The following NAALADL2 variants were observed in gnomAD, a reference collection of about 807,000 sequenced individuals.
The protein encoded by NAALADL2 is N-acetylated alpha-linked acidic dipeptidase like 2.
NAALADL2 carries 76 observed loss-of-function variants against 87.2 expected under a neutral mutation model. The observed-to-expected ratio is 0.87, with a 90% confidence interval of 0.72 to 1.05. The LOEUF is 1.05. Ranked by LOEUF, NAALADL2 falls within the 50% of genes least tolerant of loss-of-function variation. The probability of loss-of-function intolerance (pLI) is 0.00; values close to 1 mark genes in which losing one functional copy is unlikely to be tolerated. For synonymous variants in NAALADL2, 354 were observed against 331.0 expected, an observed-to-expected ratio of 1.07 and a Z score of -0.75; for missense variants, 1,089 against 945.8, an observed-to-expected ratio of 1.15 and a Z score of -1.99.
chr3:174,933,436 A>G (rs974750185), intron 1 of NAALADL2, among the ~76,000 whole-genome samples: 1 of 152,184 alleles, frequency 6.6e-6, no homozygotes, highest in African/African-American at 2.4e-5. Flanking sequence ...ACATTCAGTT[A>G]TTAAACTGTA....
chr3:175,511,996 A>G (rs576091524), intron 9 of NAALADL2, among the ~76,000 whole-genome samples: 2 of 152,242 alleles, frequency 1.3e-5, no homozygotes, highest in South Asian at 4.1e-4. Context: ...AATTCCAGCA[A>G]TTTGGGAGGC....
chr3:175,477,045 G>A (rs1018378252), intron 9 of NAALADL2, among the ~76,000 whole-genome samples: 1 of 152,090 alleles, frequency 6.6e-6, no homozygotes, highest in South Asian at 2.1e-4. Context: ...TATTTGAAAG[G>A]ATTTCCTCAG....
At chr3:174,646,572 C>A (rs1029088781) in intron 2 of NAALADL2, among the ~76,000 whole-genome samples, 1 of 150,158 alleles carries the variant, frequency 6.7e-6, no homozygotes, top group African/African-American at 2.5e-5. Flanking sequence ...TACAAAAATT[C>A]ATTTAAAATT....
At chr3:175,449,482 G>A (rs560455989) in intron 6 of NAALADL2, among the ~76,000 whole-genome samples, 37 of 141,318 alleles carry the variant, frequency 2.6e-4, no homozygotes, top group Middle Eastern at 3.7e-3. Context: ...TGCAAGCTCC[G>A]CCTCCCGGGT....
Position 174,956,277 on chromosome 3 carries a change from AT to A in NAALADL2, c.43+96828del, listed in dbSNP as rs530779634. ...TGTCATGGTAATCTTGTAGTCTCTT[AT>A]GGACTCACTAAAGTAAGCATAATAG... On this transcript the variant is annotated intron_variant, in intron 1 of 13. Transcript: ENST00000454872. 2.8e-4 allele frequency among the ~76,000 whole-genome samples: 43 copies of A among 152,172 alleles called. No individual in the cohort carries two copies. The South Asian group carries it at 7.9e-3, about 28-fold the overall frequency.
At chr3:174,529,397 T>C (rs1721043434) in intron 1 of NAALADL2, among the ~76,000 whole-genome samples, 3 of 152,202 alleles carry the variant, frequency 2.0e-5, no homozygotes, top group Admixed American at 1.3e-4. Context: ...ATGGACTTGC[T>C]GAGTGTCTGC....
At chr3:174,765,814 C>G (rs760139128) in intron 3 of NAALADL2, among the ~76,000 whole-genome samples, 2 of 152,188 alleles carry the variant, frequency 1.3e-5, no homozygotes, top group African/African-American at 2.4e-5. Context: ...CATACAACAG[C>G]TGCCTGTCAA....
At chr3:174,953,751 G>A (rs1740760272) in intron 1 of NAALADL2, among the ~76,000 whole-genome samples, 1 of 151,864 alleles carries the variant, frequency 6.6e-6, no homozygotes, top group South Asian at 2.1e-4. Context: ...CCCGGAGCAG[G>A]TTACCACATG....
Position 175,129,077 on chromosome 3 carries a change from TA to T in NAALADL2, c.545+31787del, listed in dbSNP as rs772999584. 5.9e-5 allele frequency among the ~76,000 whole-genome samples: 9 copies of T among 151,412 alleles called. No individual in the cohort carries two copies. In the East Asian group the frequency reaches 1.4e-3, roughly 23 times the overall value. ...TCTCAGCCCCTGGAGTAGCTGGGAC[TA>T]GAGGTGTGCACCCCTATGCCTGGCT... On this transcript the variant is annotated intron_variant, in intron 2 of 13. Transcript: ENST00000454872.
chr3:174,555,412 G>A (rs1712658134), intron 2 of NAALADL2, among the ~76,000 whole-genome samples: 1 of 152,092 alleles, frequency 6.6e-6, no homozygotes, highest in African/African-American at 2.4e-5. Flanking sequence ...CGATTCTCCT[G>A]CCTCAGTCTC....
rs73037217 is a variant in NAALADL2 at position 175,077,886 on chromosome 3, C to A, written c.44-18904C>A. ...AAGTGAAAGCAAAACGTTTCCCTAC[C>A]TGAAAGTTTCCTTGTGTGAGACTGG... On this transcript the variant is annotated intron_variant, in intron 1 of 13. Coordinates refer to ENST00000454872, the MANE Select transcript of NAALADL2 (RefSeq NM_207015.3). 1.4e-3 allele frequency among the ~76,000 whole-genome samples: 207 copies of A among 152,234 alleles called. 1 individual carries two copies. The highest frequency in any genetic ancestry group is 4.8e-3 in the African/African-American group (200 of 41,534).
intron 8 of NAALADL2, among the ~76,000 whole-genome samples, chr3:175,469,212 G>A (rs1724529841): frequency 6.6e-6 from 1 of 151,994 alleles, no homozygotes; most frequent in African/African-American, 2.4e-5. Flanking sequence ...ATAATTTACT[G>A]TGTCTCACCA....
At position 175,059,004 on chromosome 3, in the gene NAALADL2, C is replaced by T. The variant is rs80236520; in HGVS notation, c.44-37786C>T. Among the ~76,000 whole-genome samples, 6 of 152,274 alleles carry T rather than the reference C, an allele frequency of 3.9e-5. No homozygotes were observed. In the East Asian group the frequency reaches 7.7e-4, roughly 20 times the overall value. ...TCATAGTGAATTTAGAAGGAGTTGTCAGGGACATTGCTTTATAATGGGTTT... is the reference window on the plus strand; with the variant it reads ...TCATAGTGAATTTAGAAGGAGTTGTTAGGGACATTGCTTTATAATGGGTTT... On this transcript the variant is annotated intron_variant, in intron 1 of 13. Coordinates refer to ENST00000454872, the MANE Select transcript of NAALADL2 (RefSeq NM_207015.3).
chr3:175,480,396 T>A (rs1269133731), intron 9 of NAALADL2, among the ~76,000 whole-genome samples: 2 of 151,838 alleles, frequency 1.3e-5, no homozygotes, highest in Non-Finnish European at 2.9e-5. Context: ...CTCTAACTCA[T>A]TTGTCTTCTG....
intron 4 of NAALADL2, among the ~76,000 whole-genome samples, chr3:175,276,303 T>TTTC (rs1470252487): frequency 4.0e-5 from 6 of 149,382 alleles, no homozygotes; most frequent in Admixed American, 2.0e-4. Context: ...GCAAATTTTT[T>TTTC]TTTTTTTTTT....
chr3:175,213,739 C>G (rs940413468), intron 2 of NAALADL2, among the ~76,000 whole-genome samples: 4 of 152,120 alleles, frequency 2.6e-5, no homozygotes, highest in Non-Finnish European at 4.4e-5. Flanking sequence ...GTTATTATCT[C>G]CATTTTCCAG....
intron 2 of NAALADL2, among the ~76,000 whole-genome samples, chr3:175,133,339 C>T (rs1247477302): frequency 1.3e-5 from 2 of 152,206 alleles, no homozygotes; most frequent in Non-Finnish European, 2.9e-5. Context: ...GCAGAGGCTG[C>T]AATCTCGGCA....
chr3:174,488,701 G>A (rs1278888582), intron 1 of NAALADL2, among the ~76,000 whole-genome samples: 2 of 151,866 alleles, frequency 1.3e-5, no homozygotes, highest in South Asian at 4.2e-4. Flanking sequence ...TTGTCTGCAT[G>A]ACTTGGCTTC....
chr3:174,498,127 A>G (rs1718657576), intron 1 of NAALADL2, among the ~76,000 whole-genome samples: 1 of 152,174 alleles, frequency 6.6e-6, no homozygotes, highest in Non-Finnish European at 1.5e-5. Flanking sequence ...TATTATCACC[A>G]CAATCAATAT....
Sources: gnomAD v4.1 joint callset for allele counts (sites outside exome capture counted in the v4.1 genomes callset) on GRCh38, gnomAD v4.1.1 for gene constraint, MANE v1.5 for transcripts, NCBI Gene and HGNC (gene_info 2026-07-23, HGNC 2026-07-21) for gene names.